PLEKHB1: variants seen among roughly 807,000 people sequenced by gnomAD.
PLEKHB1 encodes pleckstrin homology domain-containing family B member 1.
PLEKHB1 carries 29 observed loss-of-function variants against 36.2 expected under a neutral mutation model. The observed-to-expected ratio is 0.80, with a 90% confidence interval of 0.60 to 1.09. The LOEUF is 1.09. Among genes scored for constraint, PLEKHB1 ranks in the 50% least tolerant of loss-of-function variants. The probability of loss-of-function intolerance (pLI) is 0.00; values close to 1 mark genes in which losing one functional copy is unlikely to be tolerated. For synonymous variants in PLEKHB1, 138 were observed against 140.0 expected (o/e 0.99, Z 0.10); for missense variants, 330 against 348.2 (o/e 0.95, Z 0.42).
At chr11:73,660,731 C>T (rs1203928417) in intron 6 of PLEKHB1, 22 bp from the exon 7 acceptor site, 16 of 1,568,336 alleles carry the variant, frequency 1.0e-5, no homozygotes, top group African/African-American at 1.4e-5. Context: ...TCCTGGGCAC[C>T]TGACATGGTT....
At position 73,655,828 on chromosome 11, in the gene PLEKHB1, C is replaced by G; in HGVS notation, c.416C>G (p.Pro139Arg). The G allele has an allele frequency of 6.2e-7, 1 of 1,613,680 alleles. No individual in the cohort carries two copies. Among genetic ancestry groups the G allele is most frequent in the Non-Finnish European group, 8.5e-7 (1 of 1,179,848 alleles). ...TPAPAGATVP[P>R]RSRRVCSKVR... ...GCCCCAGCTGGAGCCACCGTCCCTC[C>G]CAGGAGCCGCCGGGTTTGCTCCAAG... Residue 139 changes from proline to arginine, a missense_variant, in exon 6 of 8, where the codon CCC becomes CGC. By Grantham distance (103) the Pro-to-Arg change is moderately radical. Transcript: ENST00000354190.
rs1590806201 is a variant in PLEKHB1 at position 73,661,684 on chromosome 11, G to T, written c.*82G>T. On this transcript the variant is annotated 3_prime_UTR_variant, in exon 8 of 8. Coordinates refer to ENST00000354190, the MANE Select transcript of PLEKHB1 (RefSeq NM_021200.3). This position sits in a 1 kb window ranked among gnomAD's most constrained non-coding sequence, Gnocchi z 4.6. ...CTGGACCCCATCCTCTACCATCCAAGCCCTGTCCCACTTTGGCCCTATCCT... is the reference window on the plus strand; with the variant it reads ...CTGGACCCCATCCTCTACCATCCAATCCCTGTCCCACTTTGGCCCTATCCT... The T allele has an allele frequency of 2.5e-5, 37 of 1,481,532 alleles. No individual in the cohort carries two copies. Among genetic ancestry groups the T allele is most frequent in the East Asian group, 1.2e-4 (5 of 42,454 alleles). 91.8% of individuals were successfully genotyped at this position (1,481,532 alleles called of 1,614,324 possible).
At chr11:73,648,980 G>C in intron 1 of PLEKHB1, 32 bp from the exon 2 acceptor site, 1 of 1,568,896 alleles carries the variant, frequency 6.4e-7, no homozygotes, top group Non-Finnish European at 8.6e-7. Context: ...AGCTGCTGCT[G>C]AGGCCTGTGT....
Position 73,660,820 on chromosome 11 carries a change from A to T in PLEKHB1, c.563A>T (p.Tyr188Phe). 6 of 1,600,648 alleles carry T rather than the reference A, an allele frequency of 3.7e-6. No homozygotes were observed. The highest frequency in any genetic ancestry group is 5.1e-6 in the Non-Finnish European group (6 of 1,174,974). The change falls in exon 7 of 8, where the codon TAT (tyrosine) becomes TTT (phenylalanine). Residue 188 changes from tyrosine to phenylalanine, a missense_variant. By Grantham distance (22) the Tyr-to-Phe change is conservative. Transcript: ENST00000354190. The part of the protein sequence containing the change: ...VVPPNAHEAT[Y>F]VRSYYGPPYA... The stretch of plus-strand genomic sequence containing the variant: ...CCCCCCAATGCACACGAGGCCACGT[A>T]TGTCCGCAGCTACTACGGACCGCCC...
At chr11:73,651,718 T>C (rs1296960241) in intron 3 of PLEKHB1, 70 bp from the exon 4 acceptor site, 2 of 1,259,732 alleles carry the variant, frequency 1.6e-6, no homozygotes. Context: ...TTCCTATTCC[T>C]GTCCCTGCTT....
At chr11:73,648,915 A>G in intron 1 of PLEKHB1, 97 bp from the exon 2 acceptor site, 1 of 1,501,406 alleles carries the variant, frequency 6.7e-7, no homozygotes, top group Non-Finnish European at 8.9e-7. Flanking sequence ...CCCTCCCTCA[A>G]ACGTTTCCTG....
At chr11:73,651,620 G>C (rs1944895880) in intron 3 of PLEKHB1, 168 bp from the exon 4 acceptor site, 1 of 669,982 alleles carries the variant, frequency 1.5e-6, no homozygotes, top group Non-Finnish European at 2.7e-6. Flanking sequence ...GGTTGGAAAG[G>C]TTGGAAACGT....
At chr11:73,647,812 T>TGGAGA (rs1944797077) in intron 1 of PLEKHB1, 1 of 978,892 alleles carries the variant, frequency 1.0e-6, no homozygotes, top group Admixed American at 6.2e-5. Context: ...GTCAAGACCG[T>TGGAGA]GGAGAGGGGA....
intron 5 of PLEKHB1, among the ~76,000 whole-genome samples, chr11:73,654,347 T>C (rs1298516507): frequency 3.3e-5 from 5 of 152,148 alleles, no homozygotes; most frequent in African/African-American, 1.2e-4. Flanking sequence ...CTCTCACCTA[T>C]AGAGAAAGTC....
chr11:73,648,834 A>G, intron 1 of PLEKHB1, 178 bp from the exon 2 acceptor site: 1 of 1,357,618 alleles, frequency 7.4e-7, no homozygotes, highest in Non-Finnish European at 9.5e-7. Context: ...CCCCACAGTG[A>G]CAGTGCTCCC....
intron 5 of PLEKHB1, among the ~76,000 whole-genome samples, chr11:73,654,632 A>G (rs919713055): frequency 2.0e-5 from 3 of 152,168 alleles, no homozygotes; most frequent in African/African-American, 7.2e-5. Context: ...TGAGATTTTG[A>G]GAGGAGGGCG....
intron 1 of PLEKHB1, chr11:73,648,194 A>G (rs1944807869): frequency 6.3e-6 from 1 of 159,694 alleles, no homozygotes; most frequent in Admixed American, 6.5e-5. Flanking sequence ...AGACATTCTG[A>G]TTTAATTGTT....
intron 2 of PLEKHB1, 93 bp downstream of exon 2, chr11:73,649,180 C>T (rs1944834407): frequency 1.4e-6 from 2 of 1,423,368 alleles, no homozygotes; most frequent in South Asian, 2.7e-5. Context: ...GAAACCAGGA[C>T]CTTTTCATCC....
chr11:73,651,473 C>T (rs994814473), intron 3 of PLEKHB1: 1 of 553,666 alleles, frequency 1.8e-6, no homozygotes, highest in South Asian at 1.5e-5. Flanking sequence ...TGGATGAAGA[C>T]GAAATGAAAT....
At chr11:73,654,029 G>A (rs201285547) in intron 5 of PLEKHB1, among the ~76,000 whole-genome samples, 6 of 147,902 alleles carry the variant, frequency 4.1e-5, no homozygotes, top group Non-Finnish European at 7.5e-5. Flanking sequence ...TAGAAAAAAG[G>A]AAAAAAAAAA....
At chr11:73,651,422 G>C (rs1337684206) in intron 3 of PLEKHB1, 12 of 495,676 alleles carry the variant, frequency 2.4e-5, no homozygotes, top group South Asian at 1.8e-4. Context: ...CTGTCTCAGA[G>C]GTGAGCCAGG....
At chr11:73,647,550 C>T (rs1944791147) in intron 1 of PLEKHB1, 3 of 985,374 alleles carry the variant, frequency 3.0e-6, no homozygotes, top group East Asian at 1.1e-4. Context: ...CTTCACGTCA[C>T]TCCCCCTCCC....
At position 73,650,659 on chromosome 11, in the gene PLEKHB1, C is replaced by T. The variant is rs775435035; in HGVS notation, c.201C>T (p.Leu67=). ...ETAQDEEDRV[L]IHFNVRDIKI... Reference sequence around the variant, plus strand: ...CGCAGGACGAGGAGGACCGTGTGCTCATCCACTTCAATGTCCGTGACATAA... The same window carrying T: ...CGCAGGACGAGGAGGACCGTGTGCTTATCCACTTCAATGTCCGTGACATAA... Residue 67 remains leucine, a synonymous_variant, in exon 3 of 8, where the codon CTC becomes CTT. Transcript: ENST00000354190. The T allele has an allele frequency of 4.3e-6, 7 of 1,611,138 alleles. No individual in the cohort carries two copies. Among genetic ancestry groups the T allele is most frequent in the Admixed American group, 3.4e-5 (2 of 59,674 alleles).
intron 2 of PLEKHB1, among the ~76,000 whole-genome samples, chr11:73,650,126 G>T (rs1197495872): frequency 6.6e-6 from 1 of 152,172 alleles, no homozygotes; most frequent in Admixed American, 6.5e-5. Flanking sequence ...GAGATGGGAG[G>T]ATCACTTGAG....
Sources: gnomAD v4.1 joint callset for allele counts (sites outside exome capture counted in the v4.1 genomes callset) on GRCh38, gnomAD v4.1.1 for gene constraint, Gnocchi (gnomAD v3.1) non-coding constraint, MANE v1.5 for transcripts, NCBI Gene and HGNC (gene_info 2026-07-23, HGNC 2026-07-21) for gene names.